AQR: variants seen among roughly 807,000 people sequenced by gnomAD.
AQR encodes aquarius intron-binding spliceosomal factor.
AQR carries 61 observed loss-of-function variants against 180.5 expected under a neutral mutation model. The ratio of observed to expected loss-of-function variants is 0.34; its 90% CI spans 0.28 to 0.42. The LOEUF (loss-of-function observed/expected upper bound fraction) is 0.42, where lower values mean the gene tolerates loss of function less well. Ranked by LOEUF, AQR falls within the 10% of genes least tolerant of loss-of-function variation. AQR has a pLI of 1.00. For missense variants in AQR, 1,281 were observed against 1,798.3 expected, an observed-to-expected ratio of 0.71 and a Z score of 5.20; for synonymous variants, 551 against 588.8, an observed-to-expected ratio of 0.94 and a Z score of 0.93.
chr15:34,927,113 T>C lies in AQR; in HGVS notation c.1040A>G (p.Glu347Gly). The C allele has an allele frequency of 1.3e-6, 2 of 1,585,182 alleles. No individual in the cohort carries two copies. The highest frequency in any genetic ancestry group is 1.7e-6 in the Non-Finnish European group (2 of 1,165,438). Residue 347 changes from glutamate (E) to glycine (G), a missense_variant, in exon 13 of 35, where the codon GAA becomes GGA. Glu to Gly is a moderately conservative substitution (Grantham distance 98, BLOSUM62 -2). This residue lies in a region of AQR where 404 missense variants were observed against 490.9 expected (regional missense o/e 0.82). Coordinates refer to ENST00000156471, the MANE Select transcript of AQR (RefSeq NM_014691.3). ...ATTTGAGAGGGCAAAATCATAGAGT[T>C]CAGGAAAATGTGCAAAAGCAGCTCT... ...LQRAAFAHFP[E>G]LYDFALSNVA...
chr15:34,918,601 A>T (rs773968552), intron 14 of AQR, among the ~76,000 whole-genome samples: 29 of 152,188 alleles, frequency 1.9e-4, no homozygotes, highest in Admixed American at 4.6e-4. Context: ...TCCTCTACTT[A>T]TGAGTACTGT....
At chr15:34,873,078 G>A (rs1892843028) in intron 30 of AQR, among the ~76,000 whole-genome samples, 1 of 151,776 alleles carries the variant, frequency 6.6e-6, no homozygotes. Context: ...ATCATTCTTA[G>A]TGGCTATCTA....
At chr15:34,946,431 G>GGA (rs1188582991) in intron 5 of AQR, among the ~76,000 whole-genome samples, 1 of 15,140 alleles carries the variant, frequency 6.6e-5, no homozygotes, top group African/African-American at 1.1e-4. Context: ...GGAGGGAGGT[G>GGA]GGGGGGGTCA....
chr15:34,881,731 G>A (rs1200347359), intron 27 of AQR, among the ~76,000 whole-genome samples: 1 of 152,128 alleles, frequency 6.6e-6, no homozygotes, highest in African/African-American at 2.4e-5. Context: ...ACAAATAACT[G>A]GAATGGTTGT....
intron 1 of AQR, among the ~76,000 whole-genome samples, chr15:34,965,249 G>A (rs192822492): frequency 6.9e-4 from 105 of 152,148 alleles, no homozygotes; most frequent in Admixed American, 1.7e-3. Flanking sequence ...TAAGAGATGG[G>A]ACTTGTTTTC....
At chr15:34,943,006 TTA>T in intron 6 of AQR, 1 of 1,470,642 alleles carries the variant, frequency 6.8e-7, no homozygotes. Flanking sequence ...TCACATCTAT[TTA>T]TATTTCTATT....
chr15:34,943,269 A>G (rs781379335), intron 6 of AQR: 4 of 1,594,894 alleles, frequency 2.5e-6, no homozygotes, highest in Middle Eastern at 1.8e-4. Flanking sequence ...TAAAACTACA[A>G]AGATTGTGCT....
At chr15:34,967,796 A>C (rs1262378139) in intron 1 of AQR, among the ~76,000 whole-genome samples, 2 of 151,966 alleles carry the variant, frequency 1.3e-5, no homozygotes, top group Non-Finnish European at 2.9e-5. Flanking sequence ...GGTAATTAGA[A>C]TTCTTTAAAG....
chr15:34,907,830 T>C (rs1386389925), intron 17 of AQR, among the ~76,000 whole-genome samples: 1 of 152,234 alleles, frequency 6.6e-6, no homozygotes, highest in Non-Finnish European at 1.5e-5. Flanking sequence ...AGAAGTCATT[T>C]ATCCTCTCCC....
chr15:34,919,513 C>T (rs1893651209), intron 14 of AQR, among the ~76,000 whole-genome samples: 1 of 152,102 alleles, frequency 6.6e-6, no homozygotes, highest in Non-Finnish European at 1.5e-5. Context: ...TTTGTTGGAA[C>T]TATTTAAATT....
chr15:34,917,210 T>C (rs947371658), intron 15 of AQR, among the ~76,000 whole-genome samples: 4 of 152,220 alleles, frequency 2.6e-5, no homozygotes, highest in Admixed American at 1.3e-4. Context: ...ACAATATTAG[T>C]GCACTGGGTC....
Position 34,940,979 on chromosome 15 carries a change from T to A in AQR, c.561A>T (p.Leu187Phe), listed in dbSNP as rs750066587. Residue 187 changes from leucine (L) to phenylalanine (F), a missense_variant, in exon 8 of 35, where the codon TTA becomes TTT. Leu to Phe is a conservative substitution (Grantham distance 22). Around this residue, in one of 9 missense-constraint regions of AQR, gnomAD observed 404 missense variants for 490.9 expected, o/e 0.82. Coordinates refer to ENST00000156471, the MANE Select transcript of AQR (RefSeq NM_014691.3). ...ATTTTCTTAGCTTAGGTGTCTTTTT[T>A]AATTCTAATTCCAATCGTGCCTGAA... Reference protein sequence around the residue: ...GLQLARLELELKKTPKLRKFW... With the variant: ...GLQLARLELEFKKTPKLRKFW... 6.9e-6 allele frequency: 11 copies of A among 1,605,122 alleles called. No homozygotes were observed. The highest frequency in any genetic ancestry group is 8.5e-6 in the Non-Finnish European group (10 of 1,175,560).
intron 34 of AQR, among the ~76,000 whole-genome samples, chr15:34,858,940 A>C (rs1238023971): frequency 6.6e-6 from 1 of 152,214 alleles, no homozygotes; most frequent in Non-Finnish European, 1.5e-5. Context: ...CTCAAAATGC[A>C]TCATACCTAA....
intron 20 of AQR, among the ~76,000 whole-genome samples, chr15:34,900,300 A>G (rs981775462): frequency 1.3e-5 from 2 of 152,252 alleles, no homozygotes; most frequent in Non-Finnish European, 2.9e-5. Flanking sequence ...GTTGAGAAAC[A>G]TACCAGACTA....
At chr15:34,956,627 G>A (rs1894321057) in intron 3 of AQR, among the ~76,000 whole-genome samples, 1 of 145,532 alleles carries the variant, frequency 6.9e-6, no homozygotes, top group Non-Finnish European at 1.5e-5. Context: ...ACTCCAGCCT[G>A]GGGCAATAAG....
chr15:34,967,297 TGTCACCTCGGAGA>T (rs1180692513), intron 1 of AQR, among the ~76,000 whole-genome samples: 1 of 152,202 alleles, frequency 6.6e-6, no homozygotes, highest in Non-Finnish European at 1.5e-5. Context: ...TTAGCTCAAA[TGTCACCTCGGAGA>T]GAACTTTCCT....
intron 3 of AQR, among the ~76,000 whole-genome samples, chr15:34,955,406 C>A (rs1595810383): frequency 6.6e-6 from 1 of 152,038 alleles, no homozygotes; most frequent in Non-Finnish European, 1.5e-5. Context: ...TATTACATTC[C>A]CCCCTATCCC....
chr15:34,895,653 T>C (rs993753512), intron 22 of AQR, among the ~76,000 whole-genome samples: 8 of 151,884 alleles, frequency 5.3e-5, no homozygotes, highest in Non-Finnish European at 1.2e-4. Context: ...CAAGACAACA[T>C]AACAACCCTA....
Position 34,855,582 on chromosome 15 carries a change from A to G in AQR, c.*1210T>C, listed in dbSNP as rs986295863. ...GGGCACCATGCCCAGGGACCTTGTA[A>G]GCAGAGGTCCCTTGTCAGAAAACAT... On this transcript the variant is annotated 3_prime_UTR_variant, in exon 35 of 35. Transcript: ENST00000156471. The G allele has an allele frequency of 6.6e-6, 1 of 150,906 alleles. No homozygotes were observed. The highest frequency in any genetic ancestry group is 1.5e-5 in the Non-Finnish European group (1 of 67,914). 9.3% of individuals were successfully genotyped at this position (150,906 alleles called of 1,614,324 possible). A position where few individuals can be genotyped will look rare whatever the true frequency, so the allele number is the denominator to read the frequency against.
Sources: gnomAD v4.1 joint callset for allele counts (sites outside exome capture counted in the v4.1 genomes callset) on GRCh38, gnomAD v4.1.1 for gene constraint, gnomAD v4.1.1 regional missense constraint, MANE v1.5 for transcripts, NCBI Gene and HGNC (gene_info 2026-07-23, HGNC 2026-07-21) for gene names.